The following S100PBP variants were observed in gnomAD, a reference collection of about 807,000 sequenced individuals.
S100PBP encodes the protein S100P-binding protein.
Under a neutral mutation model 39.9 loss-of-function variants are expected in S100PBP, and 15 were observed. The observed-to-expected ratio is 0.38, with a 90% CI of 0.25 to 0.58. S100PBP has a LOEUF of 0.58. S100PBP is among the 20% of genes least tolerant of loss of function. S100PBP has a pLI of 0.70. For missense variants in S100PBP, 504 were observed against 487.3 expected, an observed-to-expected ratio of 1.03 and a Z score of -0.32; for synonymous variants, 178 against 180.3, an observed-to-expected ratio of 0.99 and a Z score of 0.10.
Position 32,826,756 on chromosome 1 carries a change from T to A in S100PBP, c.657T>A (p.Phe219Leu). 1 of 1,614,114 alleles carries A rather than the reference T, an allele frequency of 6.2e-7. No individual in the cohort carries two copies. Among genetic ancestry groups the A allele is most frequent in the Non-Finnish European group, 8.5e-7 (1 of 1,180,008 alleles). ...GPQLSSSNNN[F>L]QQTVSDKNMP... is the part of the protein sequence containing the mutation. The stretch of plus-strand genomic sequence containing the variant: ...AGCTCTCTTCTTCAAACAATAACTT[T>A]CAACAGACTGTCTCTGATAAAAATA... The change falls in exon 3 of 7, where the codon TTT (phenylalanine) becomes TTA (leucine). Residue 219 changes from phenylalanine to leucine, a missense_variant. Coordinates refer to ENST00000373475, the MANE Select transcript of S100PBP (RefSeq NM_022753.4).
intron 5 of S100PBP, among the ~76,000 whole-genome samples, chr1:32,839,478 T>C (rs1262120551): frequency 6.6e-6 from 1 of 152,216 alleles, no homozygotes; most frequent in Non-Finnish European, 1.5e-5. Context: ...TGCTTGCAAT[T>C]CTTACATACC....
intron 6 of S100PBP, among the ~76,000 whole-genome samples, chr1:32,854,063 G>A (rs1037672816): frequency 1.3e-5 from 2 of 151,916 alleles, no homozygotes; most frequent in Admixed American, 1.3e-4. Context: ...TTGATGCAGT[G>A]TGGCTGTACA....
rs781148326 is a variant in S100PBP, at chr1:32,829,982, T to C, written c.939T>C (p.Phe313=). The C allele has an allele frequency of 6.2e-7, 1 of 1,613,914 alleles. No individual in the cohort carries two copies. Among genetic ancestry groups the C allele is most frequent in the Non-Finnish European group, 8.5e-7 (1 of 1,179,834 alleles). The change falls in exon 5 of 7, where the codon TTT becomes TTC. Residue 313 remains phenylalanine (F), a synonymous_variant. Coordinates refer to ENST00000373475, the MANE Select transcript of S100PBP (RefSeq NM_022753.4). ...ATTCAAGGACTAATGTTCCGACGTT[T>C]TCACAGTCAAATCTAGAACAGCAGA... ...QTKTRTNVPT[F]SQSNLEQQKQ... is the part of the protein sequence containing the mutation.
chr1:32,817,480 G>C, upstream of S100PBP: 1 of 612,694 alleles, frequency 1.6e-6, no homozygotes, highest in South Asian at 1.9e-5. Flanking sequence ...GGCACGGTGG[G>C]CGGTGCGGAG....
At chr1:32,845,683 C>CT (rs201215253) in intron 5 of S100PBP, among the ~76,000 whole-genome samples, 350 of 140,716 alleles carry the variant, frequency 2.5e-3, no homozygotes, top group South Asian at 5.6e-3. Flanking sequence ...TTTTCATTTT[C>CT]TTTTTTTTTT....
At chr1:32,821,555 C>CAA (rs1639063756) in intron 1 of S100PBP, among the ~76,000 whole-genome samples, 1 of 151,554 alleles carries the variant, frequency 6.6e-6, no homozygotes, top group African/African-American at 2.4e-5. Context: ...CTCCTGACCT[C>CAA]GTGATCCGCC....
rs1035787037 is a variant in S100PBP at position 32,857,252 on chromosome 1, A to G, written c.*1214A>G. 3.9e-5 allele frequency: 6 copies of G among 152,204 alleles called. No homozygotes were observed. The highest frequency in any genetic ancestry group is 1.3e-4 in the Admixed American group (2 of 15,280). The allele number at this position is 152,204 out of a possible 1,614,324, so 9.4% of individuals were successfully genotyped here. On this transcript the variant is annotated 3_prime_UTR_variant, in exon 7 of 7. Coordinates refer to ENST00000373475, the MANE Select transcript of S100PBP (RefSeq NM_022753.4). ...GCATTACCTGATCTTAAGGTTTGGT[A>G]TTCTAACCAAAGTTGACAGACTGTG...
At chr1:32,822,704 C>G (rs562545026) in intron 1 of S100PBP, among the ~76,000 whole-genome samples, 1 of 151,460 alleles carries the variant, frequency 6.6e-6, no homozygotes, top group Non-Finnish European at 1.5e-5. Flanking sequence ...CTCCTCCTCT[C>G]TATATATACC....
intron 5 of S100PBP, among the ~76,000 whole-genome samples, chr1:32,832,762 A>G (rs1056233190): frequency 6.6e-6 from 1 of 152,232 alleles, no homozygotes; most frequent in Non-Finnish European, 1.5e-5. Flanking sequence ...TTAACCTTGA[A>G]AAAGTGTAAT....
chr1:32,820,056 T>G (rs1638973228), intron 1 of S100PBP, among the ~76,000 whole-genome samples: 1 of 151,404 alleles, frequency 6.6e-6, no homozygotes, highest in Non-Finnish European at 1.5e-5. Context: ...TTAAACTAGA[T>G]AAGAGTAGAG....
rs1266644634 is a variant in S100PBP, at chr1:32,856,726, A to G, written c.*688A>G. ...ATTCCTTATTGAACTTATTTTGCAC[A>G]ATAGTGTTTACAAATCTTATACATC... On this transcript the variant is annotated 3_prime_UTR_variant, in exon 7 of 7. Transcript: ENST00000373475. 6.6e-6 allele frequency: 1 copy of G among 152,528 alleles called. No homozygotes were observed. Among genetic ancestry groups the G allele is most frequent in the Non-Finnish European group, 1.5e-5 (1 of 68,044 alleles). 9.4% of individuals were successfully genotyped at this position (152,528 alleles called of 1,614,324 possible). A position where few individuals can be genotyped will look rare whatever the true frequency, so the allele number is the denominator to read the frequency against.
intron 5 of S100PBP, among the ~76,000 whole-genome samples, chr1:32,850,550 C>A (rs1213346402): frequency 6.6e-6 from 1 of 152,116 alleles, no homozygotes; most frequent in African/African-American, 2.4e-5. Context: ...GACAGTAATG[C>A]CTTTTCTTTC....
chr1:32,849,751 T>C (rs1176410984), intron 5 of S100PBP, among the ~76,000 whole-genome samples: 1 of 152,242 alleles, frequency 6.6e-6, no homozygotes, highest in Non-Finnish European at 1.5e-5. Context: ...GAAATGTTGC[T>C]CCCAGAAAAT....
In S100PBP at chr1:32,856,267, G is replaced by A. The variant is rs533552712; in HGVS notation, c.*229G>A. The A allele has an allele frequency of 1.9e-4, 54 of 286,350 alleles. No homozygotes were observed. The highest frequency in any genetic ancestry group is 2.8e-4 in the Non-Finnish European group (42 of 151,042). The allele number at this position is 286,350 out of a possible 1,614,324, so 17.7% of individuals were successfully genotyped here. A position where few individuals can be genotyped will look rare whatever the true frequency, so the allele number is the denominator to read the frequency against. Reference sequence around the variant, plus strand: ...TGTGTCTGTGTTTAAGCAAGCGTTCGGTTGGTATAGTTTTTTTTTGTTTTT... The same window carrying A: ...TGTGTCTGTGTTTAAGCAAGCGTTCAGTTGGTATAGTTTTTTTTTGTTTTT... On this transcript the variant is annotated 3_prime_UTR_variant, in exon 7 of 7. Coordinates refer to ENST00000373475, the MANE Select transcript of S100PBP (RefSeq NM_022753.4).
intron 5 of S100PBP, among the ~76,000 whole-genome samples, chr1:32,837,505 C>T (rs1569890016): frequency 7.4e-6 from 1 of 134,530 alleles, no homozygotes; most frequent in Non-Finnish European, 1.6e-5. Context: ...GTGGAGGTTG[C>T]GGTGAGCCGA....
chr1:32,830,113 TTTCTCTTTCCG>T, intron 5 of S100PBP, 46 bp downstream of exon 5: 1 of 1,212,272 alleles, frequency 8.2e-7, no homozygotes, highest in Admixed American at 1.8e-5. Context: ...GTGATGTGAC[TTTCTCTTTCCG>T]GTGTAACAGC....
At chr1:32,821,851 C>T (rs1639081685) in intron 1 of S100PBP, among the ~76,000 whole-genome samples, 1 of 151,706 alleles carries the variant, frequency 6.6e-6, no homozygotes, top group South Asian at 2.1e-4. Context: ...GTTGGTCAGG[C>T]TGGTCTCGAA....
At chr1:32,823,910 T>C (rs1639198043) in intron 1 of S100PBP, among the ~76,000 whole-genome samples, 1 of 152,174 alleles carries the variant, frequency 6.6e-6, no homozygotes, top group African/African-American at 2.4e-5. Flanking sequence ...AAAGAATGCA[T>C]GAACTAGGCT....
At chr1:32,839,451 G>A (rs1036247409) in intron 5 of S100PBP, among the ~76,000 whole-genome samples, 6 of 152,142 alleles carry the variant, frequency 3.9e-5, no homozygotes, top group Non-Finnish European at 7.3e-5. Context: ...GCATCTACAC[G>A]TATCTTTTTG....
Sources: allele counts gnomAD v4.1 joint callset (sites outside exome capture counted in the v4.1 genomes callset), GRCh38; gene constraint gnomAD v4.1.1; transcripts MANE v1.5; gene names NCBI Gene and HGNC (gene_info 2026-07-23, HGNC 2026-07-21).